Variants in KLF12 observed in about 807,000 individuals in gnomAD.
The protein encoded by KLF12 is Krueppel-like factor 12.
KLF12 carries 9 observed loss-of-function variants against 37.8 expected under a neutral mutation model. The observed-to-expected ratio is 0.24, with a 90% CI of 0.14 to 0.42. KLF12 has a LOEUF of 0.42. KLF12 is among the 10% of genes least tolerant of loss of function. KLF12 has a pLI of 1.00. For missense variants in KLF12, 411 were observed against 516.0 expected (o/e 0.80, Z 1.97); for synonymous variants, 208 against 202.1 (o/e 1.03, Z -0.25).
intron 1 of KLF12, among the ~76,000 whole-genome samples, chr13:74,083,314 T>C (rs1206007281): frequency 6.6e-6 from 1 of 152,072 alleles, no homozygotes; most frequent in African/African-American, 2.4e-5. Flanking sequence ...GAGACCAGAC[T>C]GGGTAACATG....
intron 1 of KLF12, among the ~76,000 whole-genome samples, chr13:74,103,512 C>T (rs1193504303): frequency 6.6e-6 from 1 of 152,146 alleles, no homozygotes; most frequent in Non-Finnish European, 1.5e-5. Context: ...CACTGGCAGT[C>T]ACTAATATTC....
chr13:73,961,413 G>A (rs1194194189), intron 2 of KLF12, among the ~76,000 whole-genome samples: 2 of 152,148 alleles, frequency 1.3e-5, no homozygotes, highest in African/African-American at 4.8e-5. Context: ...ATCTGTTAGA[G>A]AAGTCACAGG....
intron 1 of KLF12, among the ~76,000 whole-genome samples, chr13:74,035,946 G>A (rs1893234710): frequency 6.6e-6 from 1 of 152,048 alleles, no homozygotes; most frequent in African/African-American, 2.4e-5. Flanking sequence ...GAGTTAATAG[G>A]GAAGAACCTC....
At chr13:74,033,954 C>CAA (rs1300713350) in intron 1 of KLF12, among the ~76,000 whole-genome samples, 1 of 129,778 alleles carries the variant, frequency 7.7e-6, no homozygotes. Context: ...AGCTGAAAGC[C>CAA]AAAAAAAAAA....
Position 73,689,935 on chromosome 13 carries a change from C to T in KLF12, c.*5555G>A, listed in dbSNP as rs989506799. On this transcript the variant is annotated 3_prime_UTR_variant, in exon 8 of 8. Transcript: ENST00000377669. ...ACTTTTTATCTGGAAATTATAATTACCATATGCAATAGTGTTCACTGAAGA... is the reference window on the plus strand; with the variant it reads ...ACTTTTTATCTGGAAATTATAATTATCATATGCAATAGTGTTCACTGAAGA... The T allele has an allele frequency of 1.3e-5, 2 of 152,102 alleles. No homozygotes were observed. Among genetic ancestry groups the T allele is most frequent in the Admixed American group, 6.6e-5 (1 of 15,258 alleles). 9.4% of individuals were successfully genotyped at this position (152,102 alleles called of 1,614,324 possible).
intron 3 of KLF12, among the ~76,000 whole-genome samples, chr13:73,894,018 C>A (rs1887638629): frequency 6.6e-6 from 1 of 152,116 alleles, no homozygotes; most frequent in Non-Finnish European, 1.5e-5. Context: ...GGCTAACGAG[C>A]AAGTAACTAC....
At chr13:74,037,159 C>T (rs1378668451) in intron 1 of KLF12, among the ~76,000 whole-genome samples, 2 of 148,558 alleles carry the variant, frequency 1.3e-5, no homozygotes, top group African/African-American at 5.0e-5. Flanking sequence ...GCCGAGATCA[C>T]GCCATTGCAC....
At chr13:73,929,595 T>G (rs1254550292) in intron 3 of KLF12, among the ~76,000 whole-genome samples, 1 of 152,126 alleles carries the variant, frequency 6.6e-6, no homozygotes, top group African/African-American at 2.4e-5. Flanking sequence ...TTTTCAAATA[T>G]CAGCTCAGAA....
rs543530748 is a variant in KLF12 at position 73,837,678 on chromosome 13, C to A, written c.670+8149G>T. Among the ~76,000 whole-genome samples the A allele has an allele frequency of 4.6e-5, 7 of 152,164 alleles. No homozygotes were observed. The South Asian group carries it at 8.3e-4, about 18-fold the overall frequency. ...AAGCCTATATTTAATAAACATAAACCAAATAACAGCAATATTCCAGTCCCA... is the reference window on the plus strand; with the variant it reads ...AAGCCTATATTTAATAAACATAAACAAAATAACAGCAATATTCCAGTCCCA... On this transcript the variant is annotated intron_variant, in intron 4 of 7. Transcript: ENST00000377669.
At chr13:74,099,252 T>C (rs1054146976) in intron 1 of KLF12, among the ~76,000 whole-genome samples, 1 of 151,966 alleles carries the variant, frequency 6.6e-6, no homozygotes, top group Non-Finnish European at 1.5e-5. Flanking sequence ...GAGGCTGAGG[T>C]GGGAAGATCA....
chr13:74,194,325 T>C, the KLF12 span, among the ~76,000 whole-genome samples: 1 of 152,202 alleles, frequency 6.6e-6, no homozygotes, highest in Admixed American at 6.5e-5. Flanking sequence ...GACACTGTCT[T>C]AGTCTGTTTG....
At chr13:74,013,050 T>C (rs927403217) in intron 1 of KLF12, among the ~76,000 whole-genome samples, 2 of 152,204 alleles carry the variant, frequency 1.3e-5, no homozygotes, top group African/African-American at 4.8e-5. Context: ...CTTTCTTCTA[T>C]GTCTGTGGAA....
intron 7 of KLF12, among the ~76,000 whole-genome samples, chr13:73,699,743 T>C (rs1163831885): frequency 2.0e-5 from 3 of 152,170 alleles, no homozygotes; most frequent in Non-Finnish European, 4.4e-5. Context: ...AGCTGAGATG[T>C]TTGGAACTGT....
chr13:73,795,614 A>G (rs1881917108), intron 5 of KLF12, among the ~76,000 whole-genome samples: 1 of 152,224 alleles, frequency 6.6e-6, no homozygotes, highest in Non-Finnish European at 1.5e-5. Context: ...GTTTTATGCA[A>G]TATAAACAAT....
intron 1 of KLF12, among the ~76,000 whole-genome samples, chr13:74,058,936 C>A (rs1422091461): frequency 6.6e-6 from 1 of 152,140 alleles, no homozygotes; most frequent in Non-Finnish European, 1.5e-5. Flanking sequence ...AATTTTTCAG[C>A]CCTATTCCCC....
chr13:73,698,728 T>C (rs1394582591), intron 7 of KLF12, among the ~76,000 whole-genome samples: 2 of 152,218 alleles, frequency 1.3e-5, no homozygotes, highest in Non-Finnish European at 2.9e-5. Context: ...AAGAGTTGAA[T>C]AGCTGCAACA....
At chr13:73,880,563 A>G (rs1886929769) in intron 3 of KLF12, among the ~76,000 whole-genome samples, 1 of 152,202 alleles carries the variant, frequency 6.6e-6, no homozygotes, top group African/African-American at 2.4e-5. Context: ...AGATGCCTCT[A>G]GCCATGACTC....
At chr13:74,191,542 G>A in the KLF12 span, among the ~76,000 whole-genome samples, 6 of 152,184 alleles carry the variant, frequency 3.9e-5, no homozygotes, top group East Asian at 3.9e-4. Flanking sequence ...AATGAGAGCC[G>A]CGTGCTTCTG....
intron 5 of KLF12, among the ~76,000 whole-genome samples, chr13:73,766,240 C>T (rs1288489878): frequency 1.3e-5 from 2 of 152,260 alleles, no homozygotes; most frequent in African/African-American, 4.8e-5. Context: ...GGTGAACTGT[C>T]TCATTCAAGC....
Sources: allele counts gnomAD v4.1 joint callset (sites outside exome capture counted in the v4.1 genomes callset), GRCh38; gene constraint gnomAD v4.1.1; transcripts MANE v1.5; gene names NCBI Gene and HGNC (gene_info 2026-07-23, HGNC 2026-07-21).